The following LGSN variants were observed in gnomAD, a reference collection of about 807,000 sequenced individuals.
LGSN encodes lengsin, lens protein with glutamine synthetase domain, also known as lengsin.
LGSN carries 21 observed loss-of-function variants against 19.5 expected under a neutral mutation model. The observed-to-expected ratio is 1.07, with a 90% confidence interval of 0.76 to 1.55. LGSN has a LOEUF of 1.55. LGSN is among the 40% of genes most tolerant of loss of function. The pLI is 0.00. For synonymous variants in LGSN, 257 were observed against 215.6 expected, an observed-to-expected ratio of 1.19 and a Z score of -1.68; for missense variants, 673 against 608.5, an observed-to-expected ratio of 1.11 and a Z score of -1.12.
chr6:63,529,057 C>A, the LGSN span, among the ~76,000 whole-genome samples: 9 of 150,694 alleles, frequency 6.0e-5, no homozygotes, highest in East Asian at 9.7e-4. Context: ...CCACTGCACT[C>A]CAGCCTGGGC....
the LGSN span, among the ~76,000 whole-genome samples, chr6:63,566,445 A>C: frequency 1.3e-5 from 2 of 152,154 alleles, no homozygotes; most frequent in Admixed American, 6.5e-5. Flanking sequence ...GTGCCTGGGA[A>C]TGTTCAAGCT....
chr6:63,366,091 C>A, the LGSN span, among the ~76,000 whole-genome samples: 1 of 152,166 alleles, frequency 6.6e-6, no homozygotes, highest in Non-Finnish European at 1.5e-5. Context: ...CTGGACAGGG[C>A]ACTCAGGCAG....
At chr6:63,440,470 T>C in the LGSN span, among the ~76,000 whole-genome samples, 1 of 152,354 alleles carries the variant, frequency 6.6e-6, no homozygotes, top group African/African-American at 2.4e-5. Context: ...TCTGTCTGCC[T>C]AAATTTTCCT....
the LGSN span, among the ~76,000 whole-genome samples, chr6:63,531,102 A>G: frequency 2.6e-5 from 4 of 152,222 alleles, no homozygotes; most frequent in African/African-American, 7.2e-5. Context: ...TCAGGTTTCA[A>G]GCACAGTTCC....
chr6:63,379,468 T>G, the LGSN span, among the ~76,000 whole-genome samples: 2 of 152,182 alleles, frequency 1.3e-5, no homozygotes, highest in Non-Finnish European at 2.9e-5. Context: ...GACTTGCACC[T>G]GGGAGGAAAA....
chr6:63,405,222 T>C, the LGSN span, among the ~76,000 whole-genome samples: 3 of 151,974 alleles, frequency 2.0e-5, no homozygotes, highest in East Asian at 5.8e-4. Context: ...ACATTTGGGT[T>C]GGTTCCAAGT....
chr6:63,399,586 G>A, the LGSN span, among the ~76,000 whole-genome samples: 2 of 151,808 alleles, frequency 1.3e-5, no homozygotes, highest in Admixed American at 6.6e-5. Flanking sequence ...AGTAGAGATG[G>A]GGTTTCACCA....
chr6:63,429,971 G>A, the LGSN span, among the ~76,000 whole-genome samples: 6 of 152,148 alleles, frequency 3.9e-5, no homozygotes, highest in African/African-American at 1.2e-4. Flanking sequence ...ATCCATACCT[G>A]ACAGCTTTCA....
chr6:63,356,738 G>A, the LGSN span, among the ~76,000 whole-genome samples: 1 of 152,118 alleles, frequency 6.6e-6, no homozygotes, highest in South Asian at 2.1e-4. Context: ...TGAAAATATA[G>A]GATGTTAAGT....
chr6:63,342,682 A>G, the LGSN span, among the ~76,000 whole-genome samples: 1 of 152,240 alleles, frequency 6.6e-6, no homozygotes, highest in African/African-American at 2.4e-5. Context: ...AGTGTATTCT[A>G]TATAGGAAGG....
chr6:63,568,709 A>G, the LGSN span, among the ~76,000 whole-genome samples: 3 of 152,188 alleles, frequency 2.0e-5, no homozygotes, highest in Non-Finnish European at 4.4e-5. Context: ...GTATGCCTGT[A>G]TACTACATAT....
the LGSN span, among the ~76,000 whole-genome samples, chr6:63,466,773 G>A: frequency 1.3e-5 from 2 of 152,132 alleles, no homozygotes; most frequent in Non-Finnish European, 2.9e-5. Flanking sequence ...CATTTACCAA[G>A]ACTATGGGAA....
the LGSN span, among the ~76,000 whole-genome samples, chr6:63,555,822 T>A: frequency 1.3e-5 from 2 of 151,860 alleles, no homozygotes; most frequent in Non-Finnish European, 2.9e-5. Context: ...GTCTCCCAAG[T>A]AGCTGGAATT....
chr6:63,435,182 A>G, the LGSN span, among the ~76,000 whole-genome samples: 1 of 152,200 alleles, frequency 6.6e-6, no homozygotes, highest in Non-Finnish European at 1.5e-5. Flanking sequence ...TGTGGCATCA[A>G]AGGAACACAG....
At chr6:63,549,241 G>T in the LGSN span, 2 of 739,712 alleles carry the variant, frequency 2.7e-6, no homozygotes, top group Non-Finnish European at 2.5e-6. Flanking sequence ...GCAGCTGTTT[G>T]GTGGTCCAGG....
chr6:63,345,106 CA>C, the LGSN span, among the ~76,000 whole-genome samples: 1 of 150,372 alleles, frequency 6.7e-6, no homozygotes, highest in Admixed American at 6.6e-5. Context: ...ACCATTATCC[CA>C]CAAAAAAAAA....
chr6:63,449,385 A>G, the LGSN span, among the ~76,000 whole-genome samples: 1 of 152,054 alleles, frequency 6.6e-6, no homozygotes, highest in East Asian at 1.9e-4. Flanking sequence ...TCTCTACTAA[A>G]AATACAAAAA....
chr6:63,307,198 G>C (rs944027980), intron 1 of LGSN, among the ~76,000 whole-genome samples: 12 of 152,130 alleles, frequency 7.9e-5, no homozygotes, highest in Non-Finnish European at 1.6e-4. Flanking sequence ...AATTTATTTA[G>C]TCTGAAAAAT....
chr6:63,321,807 C>T (rs1769090474), upstream of LGSN, among the ~76,000 whole-genome samples: 1 of 152,144 alleles, frequency 6.6e-6, no homozygotes, highest in East Asian at 1.9e-4. Context: ...CTTTCATTCA[C>T]AAGCATTTGT....
Sources: allele counts gnomAD v4.1 joint callset (sites outside exome capture counted in the v4.1 genomes callset), GRCh38; gene constraint gnomAD v4.1.1; transcripts MANE v1.5; gene names NCBI Gene and HGNC (gene_info 2026-07-23, HGNC 2026-07-21).